XPO6: variants seen among roughly 807,000 people sequenced by gnomAD.
XPO6 encodes the protein exportin 6.
A neutral mutation model predicts 130.0 loss-of-function variants in XPO6; 3 were observed. The observed-to-expected ratio is 0.02, with a 90% confidence interval of 0.01 to 0.06. XPO6 has a LOEUF of 0.06. Among genes scored for constraint, XPO6 ranks in the 10% least tolerant of loss-of-function variants. The probability of loss-of-function intolerance (pLI) is 1.00; values close to 1 mark genes in which losing one functional copy is unlikely to be tolerated. For synonymous variants in XPO6, 524 were observed against 548.9 expected (o/e 0.95, Z 0.63); for missense variants, 970 against 1,393.0 (o/e 0.70, Z 4.83).
At chr16:28,181,063 G>A (rs777705927) in intron 1 of XPO6, 32 bp from the exon 2 acceptor site, 1 of 1,535,484 alleles carries the variant, frequency 6.5e-7, no homozygotes. Flanking sequence ...AAATCAATAA[G>A]CTGCATCTTC....
intron 17 of XPO6, 105 bp downstream of exon 17, chr16:28,111,712 C>CA (rs917583922): frequency 2.7e-5 from 36 of 1,352,380 alleles, no homozygotes; most frequent in Non-Finnish European, 3.2e-5. Context: ...GGACTATGAA[C>CA]AAAAAAAATT....
At chr16:28,172,335 G>A (rs1442453689) in intron 4 of XPO6, among the ~76,000 whole-genome samples, 1 of 152,292 alleles carries the variant, frequency 6.6e-6, no homozygotes, top group African/African-American at 2.4e-5. Flanking sequence ...CCTGCAGGTT[G>A]AAGAACAAGT....
chr16:28,190,132 G>A (rs1253342201), intron 1 of XPO6, among the ~76,000 whole-genome samples: 2 of 152,118 alleles, frequency 1.3e-5, no homozygotes, highest in Non-Finnish European at 2.9e-5. Context: ...GTTTTATGCT[G>A]GGAAACCTCA....
intron 1 of XPO6, among the ~76,000 whole-genome samples, chr16:28,190,363 G>A (rs889419398): frequency 6.6e-6 from 1 of 151,926 alleles, no homozygotes; most frequent in African/African-American, 2.4e-5. Context: ...CGGATTACAG[G>A]TGCCCGCCAC....
intron 14 of XPO6, among the ~76,000 whole-genome samples, chr16:28,119,973 T>G (rs1444958979): frequency 6.6e-6 from 1 of 152,062 alleles, no homozygotes; most frequent in Non-Finnish European, 1.5e-5. Context: ...TCCCGAGTAG[T>G]TGGGACTACA....
intron 14 of XPO6, among the ~76,000 whole-genome samples, chr16:28,118,122 T>C (rs2087118268): frequency 6.6e-6 from 1 of 152,250 alleles, no homozygotes; most frequent in South Asian, 2.1e-4. Flanking sequence ...CTAAATGTAA[T>C]TACCTTTCGG....
chr16:28,112,774 A>T (rs778505671), intron 16 of XPO6, 130 bp downstream of exon 16: 126 of 1,221,078 alleles, frequency 1.0e-4, no homozygotes, highest in Non-Finnish European at 1.3e-4. Context: ...CCACACAATA[A>T]GAAATCTGTC....
At chr16:28,196,712 T>G (rs1263370403) in intron 1 of XPO6, among the ~76,000 whole-genome samples, 1 of 151,868 alleles carries the variant, frequency 6.6e-6, no homozygotes, top group East Asian at 1.9e-4. Flanking sequence ...TGGCAAGGAG[T>G]TCGGGGGGTG....
At position 28,182,897 on chromosome 16, in the gene XPO6, G is replaced by C. The variant is rs111958585; in HGVS notation, c.4-1866C>G. 7.0e-3 allele frequency among the ~76,000 whole-genome samples: 543 copies of C among 77,936 alleles called. 5 individuals carry two copies. Among genetic ancestry groups the C allele is most frequent in the African/African-American group, 0.027 (525 of 19,696 alleles). 51.1% of individuals were successfully genotyped at this position (77,936 alleles called of 152,430 possible). A position where few individuals can be genotyped will look rare whatever the true frequency, so the allele number is the denominator to read the frequency against. Reference sequence around the variant, plus strand: ...GGTGTGCCATTTCATTTGAAAAAAGGATTTGCTATTTAAAATAAAAAGGCT... The same window carrying C: ...GGTGTGCCATTTCATTTGAAAAAAGCATTTGCTATTTAAAATAAAAAGGCT... On this transcript the variant is annotated intron_variant, in intron 1 of 23. Coordinates refer to ENST00000304658, the MANE Select transcript of XPO6 (RefSeq NM_015171.4).
chr16:28,130,734 G>A (rs372820871), intron 12 of XPO6, among the ~76,000 whole-genome samples: 6 of 152,250 alleles, frequency 3.9e-5, no homozygotes, highest in South Asian at 2.1e-4. Context: ...GCAAGTATGC[G>A]GTATTTCCTA....
chr16:28,177,374 C>A (rs748188761), intron 2 of XPO6, 42 bp from the exon 3 acceptor site: 11 of 1,243,600 alleles, frequency 8.8e-6, no homozygotes, highest in Non-Finnish European at 1.3e-5. Context: ...TATGAAAATA[C>A]ATGAAATTAG....
intron 1 of XPO6, among the ~76,000 whole-genome samples, chr16:28,195,747 G>T (rs754024131): frequency 3.3e-5 from 5 of 152,028 alleles, no homozygotes; most frequent in Admixed American, 3.3e-4. Flanking sequence ...AGAGAGACTC[G>T]TCTCAAAAAG....
At chr16:28,146,644 A>G (rs2042988072) in intron 8 of XPO6, among the ~76,000 whole-genome samples, 1 of 152,202 alleles carries the variant, frequency 6.6e-6, no homozygotes, top group African/African-American at 2.4e-5. Context: ...GAAAGCAAAA[A>G]TCAGTTTCAG....
Position 28,125,598 on chromosome 16 carries a change from G to A in XPO6, c.1766+91C>T. On this transcript the variant is annotated intron_variant, in intron 13 of 23. Transcript: ENST00000304658. ...CCTAGATTTACCCGGGGCCAGAGCAGAAGCTATTTGGCAATATGCTGCCCC... is the reference window on the plus strand; with the variant it reads ...CCTAGATTTACCCGGGGCCAGAGCAAAAGCTATTTGGCAATATGCTGCCCC... The A allele has an allele frequency of 4.0e-6, 6 of 1,487,952 alleles. No homozygotes were observed. The South Asian group carries it at 7.9e-5, about 20-fold the overall frequency. 92.2% of individuals were successfully genotyped at this position (1,487,952 alleles called of 1,614,324 possible).
At chr16:28,131,253 T>C (rs973861198) in intron 12 of XPO6, among the ~76,000 whole-genome samples, 1 of 152,066 alleles carries the variant, frequency 6.6e-6, no homozygotes, top group Non-Finnish European at 1.5e-5. Context: ...TTTAGAAGCT[T>C]ATATAGTCAT....
At chr16:28,165,531 G>A (rs2043343850) in intron 6 of XPO6, 1 of 152,178 alleles carries the variant, frequency 6.6e-6, no homozygotes, top group Non-Finnish European at 1.5e-5. Flanking sequence ...GTAAGATAAT[G>A]AAAATTTGTA....
At position 28,117,107 on chromosome 16, in the gene XPO6, T is replaced by C. The variant is rs2087084433; in HGVS notation, c.2004+211A>G. On this transcript the variant is annotated intron_variant, in intron 15 of 23. Transcript: ENST00000304658. ...CTTTTTCACAGTGAGCATGTATTCATGTGGAACTCAGATAACTAAAAAAGT... is the reference window on the plus strand; with the variant it reads ...CTTTTTCACAGTGAGCATGTATTCACGTGGAACTCAGATAACTAAAAAAGT... The C allele has an allele frequency of 5.3e-6, 3 of 560,856 alleles. No individual in the cohort carries two copies. In the Admixed American group the frequency reaches 9.6e-5, roughly 18 times the overall value. The allele number at this position is 560,856 out of a possible 1,614,324, so 34.7% of individuals were successfully genotyped here. A position where few individuals can be genotyped will look rare whatever the true frequency, so the allele number is the denominator to read the frequency against.
At chr16:28,147,861 G>A (rs926027454) in intron 8 of XPO6, among the ~76,000 whole-genome samples, 3 of 152,168 alleles carry the variant, frequency 2.0e-5, no homozygotes, top group Non-Finnish European at 2.9e-5. Flanking sequence ...CAGGAAAATC[G>A]CTTGAATCCA....
chr16:28,140,965 C>T (rs2042880136), intron 9 of XPO6, among the ~76,000 whole-genome samples: 1 of 152,184 alleles, frequency 6.6e-6, no homozygotes. Context: ...TCCTGGATAG[C>T]TTTTTCAACT....
Sources: allele counts gnomAD v4.1 joint callset (sites outside exome capture counted in the v4.1 genomes callset), GRCh38; gene constraint gnomAD v4.1.1; transcripts MANE v1.5; gene names NCBI Gene and HGNC (gene_info 2026-07-23, HGNC 2026-07-21).